The following UMAD1 variants were observed in gnomAD, a reference collection of about 807,000 sequenced individuals.
UMAD1 encodes the protein UBAP1-MVB12-associated (UMA)-domain containing protein 1.
A neutral mutation model predicts 6.1 loss-of-function variants in UMAD1; 8 were observed. That is an observed-to-expected ratio of 1.30 (90% CI 0.76 to 2.35). The LOEUF is 2.35. UMAD1 is among the 30% of genes most tolerant of loss of function. UMAD1 has a pLI of 0.00. For synonymous variants in UMAD1, 56 were observed against 31.4 expected (o/e 1.78, Z -2.61); for missense variants, 130 against 78.4 (o/e 1.66, Z -2.49).
intron 2 of UMAD1, among the ~76,000 whole-genome samples, chr7:7,737,062 A>G (rs1004186168): frequency 6.6e-6 from 1 of 152,264 alleles, no homozygotes; most frequent in African/African-American, 2.4e-5. Flanking sequence ...GCCCCTGTCC[A>G]GTAGGTTCTC....
At chr7:7,773,023 C>T (rs1179377418) in intron 2 of UMAD1, among the ~76,000 whole-genome samples, 1 of 152,020 alleles carries the variant, frequency 6.6e-6, no homozygotes, top group Non-Finnish European at 1.5e-5. Context: ...TATCATTTAG[C>T]TCTAGGAAAC....
In UMAD1 at chr7:7,877,681, C is replaced by G; in HGVS notation, c.*143C>G. On this transcript the variant is annotated 3_prime_UTR_variant, in exon 4 of 4. Coordinates refer to ENST00000682710, the MANE Select transcript of UMAD1 (RefSeq NM_001302348.2). ...AGAAAATAGCATTATGTTCACTACTCTATTTTTAAGAAAAAGGTACATTTG... is the reference window on the plus strand; with the variant it reads ...AGAAAATAGCATTATGTTCACTACTGTATTTTTAAGAAAAAGGTACATTTG... The G allele has an allele frequency of 1.7e-6, 1 of 592,310 alleles. No homozygotes were observed. The highest frequency in any genetic ancestry group is 2.1e-5 in the South Asian group (1 of 47,700). The allele number at this position is 592,310 out of a possible 1,614,324, so 36.7% of individuals were successfully genotyped here. A position where few individuals can be genotyped will look rare whatever the true frequency, so the allele number is the denominator to read the frequency against.
chr7:7,714,810 T>A (rs28912681), intron 2 of UMAD1, among the ~76,000 whole-genome samples: 11,803 of 151,758 alleles, frequency 0.078, 539 homozygotes, highest in Middle Eastern at 0.11. Context: ...TTGTGTAGAG[T>A]AATTTTTTTA....
chr7:7,725,273 G>A (rs774841906), intron 2 of UMAD1, among the ~76,000 whole-genome samples: 5 of 152,210 alleles, frequency 3.3e-5, no homozygotes, highest in South Asian at 2.1e-4. Flanking sequence ...CGAGTGATCC[G>A]AAAGGCTGCC....
intron 2 of UMAD1, among the ~76,000 whole-genome samples, chr7:7,772,913 AAG>A (rs2115244575): frequency 6.6e-6 from 1 of 151,136 alleles, no homozygotes; most frequent in Non-Finnish European, 1.5e-5. Context: ...TTTTTTTTTA[AAG>A]AGGGGTTTCC....
chr7:7,648,808 G>GT (rs1563082194), intron 1 of UMAD1, among the ~76,000 whole-genome samples: 1 of 151,640 alleles, frequency 6.6e-6, no homozygotes, highest in African/African-American at 2.4e-5. Context: ...AGCTAAGATC[G>GT]TGTCACTGTG....
intron 2 of UMAD1, among the ~76,000 whole-genome samples, chr7:7,766,268 C>T (rs538234518): frequency 6.6e-6 from 1 of 152,290 alleles, no homozygotes; most frequent in South Asian, 2.1e-4. Context: ...TTATTCCAGG[C>T]ATGCCCAATG....
In UMAD1 at chr7:7,704,598, GAA is replaced by G. The variant is rs35661728; in HGVS notation, c.82+31164_82+31165del. Among the ~76,000 whole-genome samples, 446 of 93,596 alleles carry G rather than the reference GAA, an allele frequency of 4.8e-3. 1 individual carries two copies. The highest frequency in any genetic ancestry group is 0.014 in the African/African-American group (347 of 25,650). 61.4% of individuals were successfully genotyped at this position (93,596 alleles called of 152,430 possible). ...GTGAAACCCTGTCTCTACTAAAATA[GAA>G]AAAAAAAAAAAAAAAAAATTAGCTG... On this transcript the variant is annotated intron_variant, in intron 2 of 3. Coordinates refer to ENST00000682710, the MANE Select transcript of UMAD1 (RefSeq NM_001302348.2).
chr7:7,678,695 AAT>A lies in UMAD1; in HGVS notation c.82+5249_82+5250del, dbSNP rs375175447. On this transcript the variant is annotated intron_variant, in intron 2 of 3. Transcript: ENST00000682710. Reference sequence around the variant, plus strand: ...TATATATTTATATATTTAGTTTATAAATATATATTTATATATTTAGTTTATAA... The same window carrying A: ...TATATATTTATATATTTAGTTTATAAATATATTTATATATTTAGTTTATAA... Among the ~76,000 whole-genome samples the A allele has an allele frequency of 1.8e-3, 178 of 100,756 alleles. 1 individual carries two copies. Among genetic ancestry groups the A allele is most frequent in the African/African-American group, 6.7e-3 (168 of 24,960 alleles). 66.1% of individuals were successfully genotyped at this position (100,756 alleles called of 152,430 possible). A position where few individuals can be genotyped will look rare whatever the true frequency, so the allele number is the denominator to read the frequency against.
At chr7:7,784,822 C>T (rs1162947088) in intron 2 of UMAD1, among the ~76,000 whole-genome samples, 2 of 129,106 alleles carry the variant, frequency 1.5e-5, no homozygotes, top group African/African-American at 3.1e-5. Context: ...AGTGCAGTGG[C>T]GCGATCTCGG....
chr7:7,667,274 A>G (rs1383665875), intron 1 of UMAD1, among the ~76,000 whole-genome samples: 1 of 152,196 alleles, frequency 6.6e-6, no homozygotes, highest in African/African-American at 2.4e-5. Context: ...TAAATGTAAA[A>G]TTTGCTCATT....
intron 2 of UMAD1, among the ~76,000 whole-genome samples, chr7:7,788,455 C>T (rs1386740206): frequency 6.6e-6 from 1 of 152,134 alleles, no homozygotes; most frequent in African/African-American, 2.4e-5. Context: ...CACTGTCACC[C>T]AGTGCTTCTT....
chr7:7,792,453 T>C (rs1026071430), intron 2 of UMAD1, among the ~76,000 whole-genome samples: 1 of 152,236 alleles, frequency 6.6e-6, no homozygotes, highest in Admixed American at 6.5e-5. Flanking sequence ...GAGGGGAAAC[T>C]AAACTGAATT....
At chr7:7,824,191 G>T (rs1233024833) in intron 3 of UMAD1, among the ~76,000 whole-genome samples, 1 of 152,010 alleles carries the variant, frequency 6.6e-6, no homozygotes, top group Non-Finnish European at 1.5e-5. Context: ...TTATTACTAA[G>T]GCTTCCCAGG....
chr7:7,754,831 A>G (rs1781744550), intron 2 of UMAD1, among the ~76,000 whole-genome samples: 1 of 152,176 alleles, frequency 6.6e-6, no homozygotes, highest in South Asian at 2.1e-4. Context: ...GTCTGTGTAT[A>G]TACATATTTT....
intron 1 of UMAD1, among the ~76,000 whole-genome samples, chr7:7,661,368 T>A (rs1295710062): frequency 2.0e-5 from 3 of 152,200 alleles, no homozygotes; most frequent in Admixed American, 2.0e-4. Context: ...GGAGTTATGA[T>A]CCTTTGGAGG....
rs143103505 is a variant in UMAD1, at chr7:7,700,787, C to T, written c.82+27334C>T. Among the ~76,000 whole-genome samples the T allele has an allele frequency of 2.0e-3, 301 of 152,200 alleles. 3 individuals are homozygous for T. The highest frequency in any genetic ancestry group is 7.0e-3 in the African/African-American group (291 of 41,528). ...CCTGTAATCAAAGCTACTCGGGAGG[C>T]TGAGGCAGTAGAATCACTTGAGCCC... On this transcript the variant is annotated intron_variant, in intron 2 of 3. Transcript: ENST00000682710.
At chr7:7,832,846 C>G (rs913776527) in intron 3 of UMAD1, among the ~76,000 whole-genome samples, 3 of 152,016 alleles carry the variant, frequency 2.0e-5, no homozygotes, top group Non-Finnish European at 4.4e-5. Flanking sequence ...GTGGTGATCA[C>G]ATTGATTGGA....
chr7:7,783,636 A>G (rs1392670054), intron 2 of UMAD1, among the ~76,000 whole-genome samples: 4 of 152,230 alleles, frequency 2.6e-5, no homozygotes, highest in Non-Finnish European at 5.9e-5. Flanking sequence ...ACTATTGGGA[A>G]TTATAGAGGT....
Sources: allele counts gnomAD v4.1 joint callset (sites outside exome capture counted in the v4.1 genomes callset), GRCh38; gene constraint gnomAD v4.1.1; transcripts MANE v1.5; gene names NCBI Gene and HGNC (gene_info 2026-07-23, HGNC 2026-07-21).